TNFAIP8: variants seen among roughly 807,000 people sequenced by gnomAD.
TNFAIP8 encodes TNF alpha induced protein 8, also known as tumor necrosis factor alpha-induced protein 8.
In TNFAIP8, 7 loss-of-function variants were observed where a neutral mutation model predicts 13.3. The ratio of observed to expected loss-of-function variants is 0.52; its 90% CI spans 0.30 to 0.99. The LOEUF (loss-of-function observed/expected upper bound fraction) is 0.99, where lower values mean the gene tolerates loss of function less well. TNFAIP8 is among the 50% of genes least tolerant of loss of function. The pLI is 0.07. For missense variants in TNFAIP8, 258 were observed against 236.9 expected (o/e 1.09, Z -0.58); for synonymous variants, 94 against 87.6 (o/e 1.07, Z -0.41).
chr5:119,291,428 T>C (rs532141697), intron 1 of TNFAIP8, among the ~76,000 whole-genome samples: 149 of 152,342 alleles, frequency 9.8e-4, no homozygotes, highest in African/African-American at 3.4e-3. Context: ...TTTACGTAAG[T>C]GGAAAAAAGT....
At chr5:119,360,585 T>C (rs1398722653) in intron 1 of TNFAIP8, among the ~76,000 whole-genome samples, 1 of 152,260 alleles carries the variant, frequency 6.6e-6, no homozygotes, top group Non-Finnish European at 1.5e-5. Context: ...CCAATCCTTC[T>C]TTCTGACCTC....
chr5:119,278,644 G>C (rs544404924), intron 1 of TNFAIP8, among the ~76,000 whole-genome samples: 2 of 152,122 alleles, frequency 1.3e-5, no homozygotes, highest in South Asian at 4.2e-4. Context: ...ATGGTTACAG[G>C]GTGGACAAGA....
At chr5:119,339,831 A>C (rs1750677317) in intron 1 of TNFAIP8, among the ~76,000 whole-genome samples, 1 of 152,222 alleles carries the variant, frequency 6.6e-6, no homozygotes, top group Non-Finnish European at 1.5e-5. Flanking sequence ...TTCTGCAAAG[A>C]ATGGCCTTAC....
At chr5:119,332,251 CTA>C (rs1461701739) in intron 1 of TNFAIP8, among the ~76,000 whole-genome samples, 5 of 152,124 alleles carry the variant, frequency 3.3e-5, no homozygotes, top group Non-Finnish European at 5.9e-5. Flanking sequence ...CTTGAGAACT[CTA>C]TGTGCATCAG....
chr5:119,382,729 C>T (rs766562647), intron 1 of TNFAIP8, among the ~76,000 whole-genome samples: 7 of 152,186 alleles, frequency 4.6e-5, no homozygotes, highest in Non-Finnish European at 1.0e-4. Flanking sequence ...GGCACATGAG[C>T]ACTCAGTAGC....
chr5:119,371,805 G>C (rs1752082908), intron 1 of TNFAIP8, among the ~76,000 whole-genome samples: 1 of 152,072 alleles, frequency 6.6e-6, no homozygotes, highest in African/African-American at 2.4e-5. Flanking sequence ...GTGGACAGAG[G>C]TGGTCCAAGA....
intron 1 of TNFAIP8, among the ~76,000 whole-genome samples, chr5:119,340,290 G>A (rs914033127): frequency 6.6e-5 from 10 of 152,298 alleles, no homozygotes; most frequent in African/African-American, 2.2e-4. Context: ...TATTACCAGG[G>A]GGGCTTTCAC....
At chr5:119,375,967 A>T (rs1208135867) in intron 1 of TNFAIP8, among the ~76,000 whole-genome samples, 1 of 152,172 alleles carries the variant, frequency 6.6e-6, no homozygotes, top group East Asian at 1.9e-4. Flanking sequence ...AGTGTGGGTT[A>T]TTCAGTAGTT....
intron 1 of TNFAIP8, among the ~76,000 whole-genome samples, chr5:119,350,952 T>TTTTGTGTGTGTG (rs369026854): frequency 1.4e-5 from 2 of 144,794 alleles, no homozygotes; most frequent in African/African-American, 5.2e-5. Context: ...CTATGTGTAT[T>TTTTGTGTGTGTG]TGTGTGTGTG....
intron 1 of TNFAIP8, among the ~76,000 whole-genome samples, chr5:119,358,095 G>A (rs1329692954): frequency 3.1e-5 from 4 of 127,654 alleles, no homozygotes; most frequent in Non-Finnish European, 4.9e-5. Flanking sequence ...CCTCTTATAC[G>A]TAGCTTTTTT....
At chr5:119,311,688 CAA>C (rs55965350) in intron 1 of TNFAIP8, among the ~76,000 whole-genome samples, 2 of 66,664 alleles carry the variant, frequency 3.0e-5, no homozygotes, top group African/African-American at 1.3e-4. Flanking sequence ...GACTCCGTCT[CAA>C]AAAAAAAAAA....
intron 1 of TNFAIP8, among the ~76,000 whole-genome samples, chr5:119,326,558 C>T (rs569061985): frequency 3.9e-5 from 6 of 152,134 alleles, no homozygotes; most frequent in Non-Finnish European, 8.8e-5. Flanking sequence ...ATTGCGTGCT[C>T]CTCATCAGAG....
chr5:119,298,791 A>T (rs908163838), intron 1 of TNFAIP8, among the ~76,000 whole-genome samples: 5 of 152,152 alleles, frequency 3.3e-5, no homozygotes, highest in African/African-American at 1.2e-4. Context: ...TATTTCTTAG[A>T]GGCTTTGTTC....
At chr5:119,362,801 AAAAG>A (rs1208798445) in intron 1 of TNFAIP8, among the ~76,000 whole-genome samples, 27 of 152,040 alleles carry the variant, frequency 1.8e-4, no homozygotes, top group African/African-American at 6.5e-4. Context: ...CAAAAAAAAA[AAAAG>A]AAAAAAGAAA....
intron 1 of TNFAIP8, among the ~76,000 whole-genome samples, chr5:119,374,486 G>A (rs1445770241): frequency 1.3e-5 from 2 of 152,224 alleles, no homozygotes; most frequent in Non-Finnish European, 2.9e-5. Flanking sequence ...TCCTGGGATG[G>A]AGAAGGTAAC....
chr5:119,277,053 T>C (rs548569427), intron 1 of TNFAIP8, among the ~76,000 whole-genome samples: 1 of 152,354 alleles, frequency 6.6e-6, no homozygotes, highest in Non-Finnish European at 1.5e-5. Context: ...AGAACAATTA[T>C]AACAATATAT....
At chr5:119,387,997 C>T (rs1471044658) in intron 1 of TNFAIP8, among the ~76,000 whole-genome samples, 3 of 152,128 alleles carry the variant, frequency 2.0e-5, no homozygotes, top group Non-Finnish European at 4.4e-5. Flanking sequence ...GCACTTTCTC[C>T]TTGGGGAACA....
chr5:119,345,967 A>G (rs1441319507), intron 1 of TNFAIP8, among the ~76,000 whole-genome samples: 2 of 152,226 alleles, frequency 1.3e-5, no homozygotes. Flanking sequence ...GGAAGTAAAG[A>G]GAACTTTAAA....
intron 1 of TNFAIP8, among the ~76,000 whole-genome samples, chr5:119,310,028 G>C (rs188771538): frequency 6.6e-6 from 1 of 152,308 alleles, no homozygotes; most frequent in African/African-American, 2.4e-5. Context: ...TCACTTAGTA[G>C]GATCTCAAAA....
Sources: allele counts gnomAD v4.1 joint callset (sites outside exome capture counted in the v4.1 genomes callset), GRCh38; gene constraint gnomAD v4.1.1; transcripts MANE v1.5; gene names NCBI Gene and HGNC (gene_info 2026-07-23, HGNC 2026-07-21).